TENM3: variants seen among roughly 807,000 people sequenced by gnomAD.
The protein encoded by TENM3 is teneurin-3.
A neutral mutation model predicts 255.1 loss-of-function variants in TENM3; 63 were observed. The observed-to-expected ratio is 0.25, with a 90% CI of 0.20 to 0.30. The LOEUF (loss-of-function observed/expected upper bound fraction) is 0.30, where lower values mean the gene tolerates loss of function less well. TENM3 is among the 10% of genes least tolerant of loss of function. The pLI is 1.00. For missense variants in TENM3, 2,929 were observed against 3,461.1 expected, an observed-to-expected ratio of 0.85 and a Z score of 3.86; for synonymous variants, 1,306 against 1,322.3, an observed-to-expected ratio of 0.99 and a Z score of 0.27.
At chr4:182,580,334 A>G (rs537501722) in intron 3 of TENM3, among the ~76,000 whole-genome samples, 25 of 151,918 alleles carry the variant, frequency 1.6e-4, no homozygotes, top group African/African-American at 6.0e-4. Context: ...AGAGGGGGGC[A>G]CTCTCCTAAA....
At chr4:181,598,238 G>A in the TENM3 span, among the ~76,000 whole-genome samples, 1 of 152,020 alleles carries the variant, frequency 6.6e-6, no homozygotes, top group African/African-American at 2.4e-5. Flanking sequence ...TCAACAAACT[G>A]CTAACTCTAG....
the TENM3 span, among the ~76,000 whole-genome samples, chr4:181,612,640 A>G: frequency 6.6e-6 from 1 of 152,122 alleles, no homozygotes; most frequent in Non-Finnish European, 1.5e-5. Flanking sequence ...GAGTATTTGT[A>G]TGTGTGTGTT....
chr4:181,664,607 T>G, the TENM3 span, among the ~76,000 whole-genome samples: 1 of 152,156 alleles, frequency 6.6e-6, no homozygotes, highest in Non-Finnish European at 1.5e-5. Context: ...ACCGTCAATG[T>G]CTCTACAGAC....
intron 1 of TENM3, among the ~76,000 whole-genome samples, chr4:182,296,937 G>A (rs1303519241): frequency 6.6e-6 from 1 of 152,124 alleles, no homozygotes; most frequent in Non-Finnish European, 1.5e-5. Context: ...CATTGATTCG[G>A]AAGGGAAAGA....
the TENM3 span, among the ~76,000 whole-genome samples, chr4:181,950,735 T>G: frequency 6.6e-6 from 1 of 152,126 alleles, no homozygotes; most frequent in Non-Finnish European, 1.5e-5. Flanking sequence ...CCAAACTACA[T>G]TAAGAGATTA....
At chr4:182,381,917 C>T (rs1214425198) in intron 3 of TENM3, among the ~76,000 whole-genome samples, 4 of 152,158 alleles carry the variant, frequency 2.6e-5, no homozygotes, top group Non-Finnish European at 5.9e-5. Context: ...GGGAAGAAAT[C>T]GTCTTGTTCA....
chr4:181,494,942 C>T, the TENM3 span, among the ~76,000 whole-genome samples: 1 of 152,254 alleles, frequency 6.6e-6, no homozygotes, highest in East Asian at 1.9e-4. Flanking sequence ...CAATTCCCAC[C>T]TACTTCATCT....
At chr4:182,588,935 A>G (rs1276252454) in intron 3 of TENM3, among the ~76,000 whole-genome samples, 1 of 152,212 alleles carries the variant, frequency 6.6e-6, no homozygotes, top group African/African-American at 2.4e-5. Flanking sequence ...AAGCCAGAAC[A>G]ATATCTTTGA....
At chr4:182,030,816 G>A in the TENM3 span, among the ~76,000 whole-genome samples, 7 of 152,084 alleles carry the variant, frequency 4.6e-5, no homozygotes, top group Admixed American at 1.3e-4. Flanking sequence ...GACGTTGAGC[G>A]TTTTTTTATA....
chr4:181,532,571 A>G, the TENM3 span, among the ~76,000 whole-genome samples: 5 of 152,216 alleles, frequency 3.3e-5, no homozygotes. Context: ...GGTTGGAGTT[A>G]TAAATTTTGG....
At chr4:181,880,769 A>G in the TENM3 span, among the ~76,000 whole-genome samples, 1 of 152,140 alleles carries the variant, frequency 6.6e-6, no homozygotes, top group East Asian at 1.9e-4. Context: ...AATTCATACA[A>G]ATTCACAAAG....
intron 12 of TENM3, among the ~76,000 whole-genome samples, chr4:182,689,005 AT>A (rs1485348595): frequency 1.3e-5 from 2 of 152,232 alleles, no homozygotes; most frequent in African/African-American, 4.8e-5. Context: ...TATATAAACA[AT>A]ATTTAGCATA....
intron 3 of TENM3, among the ~76,000 whole-genome samples, chr4:182,412,061 C>G (rs949885861): frequency 1.3e-5 from 2 of 152,060 alleles, no homozygotes; most frequent in South Asian, 4.1e-4. Context: ...CAAGTCAGCC[C>G]CTGTGTTTGA....
chr4:182,047,560 C>CAAAAAA, the TENM3 span, among the ~76,000 whole-genome samples: 10 of 72,300 alleles, frequency 1.4e-4, no homozygotes, highest in African/African-American at 1.7e-4. Context: ...GACTCCATCT[C>CAAAAAA]AAAAAAAAAA....
chr4:181,776,624 TA>T, the TENM3 span, among the ~76,000 whole-genome samples: 1 of 152,178 alleles, frequency 6.6e-6, no homozygotes, highest in Admixed American at 6.6e-5. Context: ...CTTACTGCAT[TA>T]AAATGATATC....
chr4:182,741,317 T>C (rs964715173), intron 18 of TENM3, among the ~76,000 whole-genome samples: 2 of 152,240 alleles, frequency 1.3e-5, no homozygotes, highest in African/African-American at 4.8e-5. Context: ...TGTGTCTAAT[T>C]GAATAAACAA....
At chr4:182,508,214 A>T (rs1218921647) in intron 3 of TENM3, among the ~76,000 whole-genome samples, 1 of 152,224 alleles carries the variant, frequency 6.6e-6, no homozygotes, top group African/African-American at 2.4e-5. Context: ...AATGTTAGCC[A>T]TCATTATTGT....
At chr4:181,860,578 A>G in the TENM3 span, among the ~76,000 whole-genome samples, 1,703 of 152,308 alleles carry the variant, frequency 0.011, 88 homozygotes, top group Admixed American at 0.085. Flanking sequence ...AAAGTTCTCC[A>G]TCTTTTATTT....
chr4:181,672,802 C>T, the TENM3 span, among the ~76,000 whole-genome samples: 1 of 152,114 alleles, frequency 6.6e-6, no homozygotes, highest in South Asian at 2.1e-4. Context: ...AATAAATTGC[C>T]TGGCAGATGT....
Sources: gnomAD v4.1 joint callset for allele counts (sites outside exome capture counted in the v4.1 genomes callset) on GRCh38, gnomAD v4.1.1 for gene constraint, MANE v1.5 for transcripts, NCBI Gene and HGNC (gene_info 2026-07-23, HGNC 2026-07-21) for gene names.